The following SCN11A variants were observed in gnomAD, a reference collection of about 807,000 sequenced individuals.
The protein encoded by SCN11A is sodium channel protein type 11 subunit alpha.
A neutral mutation model predicts 162.2 loss-of-function variants in SCN11A; 122 were observed. That is an observed-to-expected ratio of 0.75 (90% CI 0.65 to 0.87). The LOEUF (loss-of-function observed/expected upper bound fraction) is 0.87, where lower values mean the gene tolerates loss of function less well. Ranked by LOEUF, SCN11A falls within the 40% of genes least tolerant of loss-of-function variation. The pLI is 0.00. For missense variants in SCN11A, 2,015 were observed against 2,181.6 expected, an observed-to-expected ratio of 0.92 and a Z score of 1.52; for synonymous variants, 758 against 751.5, an observed-to-expected ratio of 1.01 and a Z score of -0.14.
intron 12 of SCN11A, among the ~76,000 whole-genome samples, chr3:38,909,519 A>G (rs1444344702): frequency 2.6e-5 from 4 of 152,022 alleles, no homozygotes; most frequent in Non-Finnish European, 4.4e-5. Flanking sequence ...TAACATTTCT[A>G]GGAAGAGGAG....
chr3:39,018,766 C>G (rs557404690), intron 2 of SCN11A, among the ~76,000 whole-genome samples: 6 of 151,928 alleles, frequency 3.9e-5, no homozygotes, highest in Non-Finnish European at 8.8e-5. Context: ...TGCAGTGAGC[C>G]GAGATGGCGC....
At chr3:39,049,707 T>A (rs987694685) in intron 1 of SCN11A, among the ~76,000 whole-genome samples, 1 of 152,206 alleles carries the variant, frequency 6.6e-6, no homozygotes, top group African/African-American at 2.4e-5. Context: ...AGGCTGAGTT[T>A]CATCACAAAG....
rs193208676 is a variant in SCN11A at position 38,919,917 on chromosome 3, T to C, written c.959+18A>G. On this transcript the variant is annotated intron_variant, in intron 11 of 29. Coordinates refer to ENST00000302328, the MANE Select transcript of SCN11A (RefSeq NM_001349253.2). The stretch of plus-strand genomic sequence containing the variant: ...AGAGGTACTCTTCTTGGGAGGAAAA[T>C]GATTATAAACCTCTTACCTGTTACC... 1.9e-6 allele frequency: 3 copies of C among 1,596,858 alleles called. No homozygotes were observed. Among genetic ancestry groups the C allele is most frequent in the African/African-American group, 2.7e-5 (2 of 74,526 alleles).
intron 13 of SCN11A, among the ~76,000 whole-genome samples, chr3:38,908,352 C>G (rs1288050904): frequency 6.6e-6 from 1 of 152,198 alleles, no homozygotes; most frequent in Non-Finnish European, 1.5e-5. Context: ...TTTCATATCT[C>G]TGTGTCACTG....
Position 38,877,115 on chromosome 3 carries a change from T to C in SCN11A, c.3393+2835A>G, listed in dbSNP as rs149424872. On this transcript the variant is annotated intron_variant, in intron 23 of 29. Transcript: ENST00000302328. ...TATGGTATATATATGGTGTATATACTATATATATGGTGTATATACTATATA... is the reference window on the plus strand; with the variant it reads ...TATGGTATATATATGGTGTATATACCATATATATGGTGTATATACTATATA... Among the ~76,000 whole-genome samples the C allele has an allele frequency of 4.8e-3, 550 of 114,160 alleles. 24 individuals carry two copies. Among genetic ancestry groups the C allele is most frequent in the African/African-American group, 0.013 (324 of 24,450 alleles). 74.9% of individuals were successfully genotyped at this position (114,160 alleles called of 152,430 possible).
intron 2 of SCN11A, among the ~76,000 whole-genome samples, chr3:39,031,801 T>C (rs116796562): frequency 6.6e-6 from 1 of 152,348 alleles, no homozygotes; most frequent in Admixed American, 6.5e-5. Context: ...GGCTTCTTAG[T>C]TTCTCCGTGA....
rs987883206 is a variant in SCN11A at position 38,871,824 on chromosome 3, A to T, written c.3496-116T>A. 5 of 834,568 alleles carry T rather than the reference A, an allele frequency of 6.0e-6. 1 individual carries two copies. The South Asian group carries it at 8.9e-5, about 15-fold the overall frequency. 51.7% of individuals were successfully genotyped at this position (834,568 alleles called of 1,614,324 possible). A position where few individuals can be genotyped will look rare whatever the true frequency, so the allele number is the denominator to read the frequency against. ...TTGATCTCTTGGAGCTCTGTCCTTA[A>T]TCTCCACATACATGTGCCCCATCCC... On this transcript the variant is annotated intron_variant, in intron 24 of 29. Transcript: ENST00000302328.
At chr3:38,944,015 T>C (rs1393204785) in intron 7 of SCN11A, among the ~76,000 whole-genome samples, 1 of 152,204 alleles carries the variant, frequency 6.6e-6, no homozygotes, top group African/African-American at 2.4e-5. Context: ...TTGGGATTGA[T>C]ATCCCAATTA....
intron 19 of SCN11A, among the ~76,000 whole-genome samples, chr3:38,889,779 G>A (rs1258571963): frequency 1.3e-5 from 2 of 148,668 alleles, no homozygotes; most frequent in Non-Finnish European, 3.0e-5. Flanking sequence ...CAGCCTGGGC[G>A]ACAGAGCGAG....
At chr3:38,947,826 A>T (rs1180869439) in intron 5 of SCN11A, among the ~76,000 whole-genome samples, 1 of 152,222 alleles carries the variant, frequency 6.6e-6, no homozygotes, top group Non-Finnish European at 1.5e-5. Context: ...CATGGCTATC[A>T]GTTACAAAAG....
At position 38,896,869 on chromosome 3, in the gene SCN11A, C is replaced by T. The variant is rs1488398565; in HGVS notation, c.2379G>A (p.Leu793=). 1 of 1,574,436 alleles carries T rather than the reference C, an allele frequency of 6.4e-7. No individual in the cohort carries two copies. The highest frequency in any genetic ancestry group is 8.6e-7 in the Non-Finnish European group (1 of 1,156,744). The change falls in exon 18 of 30, where the codon TTG becomes TTA. Residue 793 remains leucine, a synonymous_variant. Coordinates refer to ENST00000302328, the MANE Select transcript of SCN11A (RefSeq NM_001349253.2). ...CCACAAGTTTTCCTATCACCGTGAT[C>T]AATATGAAGACAATAACACACAATG... The part of the protein sequence containing the change: ...SSSLCVIVFI[L]ITVIGKLVVL...
intron 2 of SCN11A, among the ~76,000 whole-genome samples, chr3:38,984,162 T>C (rs2030153437): frequency 6.6e-6 from 1 of 152,198 alleles, no homozygotes; most frequent in African/African-American, 2.4e-5. Context: ...CAGGTCCTTT[T>C]CACTCATAAT....
Position 39,032,443 on chromosome 3 carries a change from T to C in SCN11A, c.-343A>G, listed in dbSNP as rs2031785126. On this transcript the variant is annotated 5_prime_UTR_variant, in exon 2 of 30. Transcript: ENST00000302328. ...CGGTGGAAAGACATACTGGATACTT[T>C]CACTGTGTTCAGCAAATGGATTGAA... Among the ~76,000 whole-genome samples, 1 of 152,166 alleles carries C rather than the reference T, an allele frequency of 6.6e-6. No individual in the cohort carries two copies. Among genetic ancestry groups the C allele is most frequent in the Non-Finnish European group, 1.5e-5 (1 of 68,032 alleles).
At chr3:38,861,482 A>C (rs1283508096) in intron 28 of SCN11A, among the ~76,000 whole-genome samples, 1 of 152,180 alleles carries the variant, frequency 6.6e-6, no homozygotes, top group Non-Finnish European at 1.5e-5. Context: ...ACATTACCTG[A>C]CTTTAAACTA....
At chr3:38,881,077 ATTGCCAAATTGGT>A (rs2065301539) in intron 22 of SCN11A, among the ~76,000 whole-genome samples, 1 of 152,188 alleles carries the variant, frequency 6.6e-6, no homozygotes, top group Non-Finnish European at 1.5e-5. Context: ...CTCACTTCCA[ATTGCCAAATTGGT>A]TTCTGGCTGA....
At chr3:38,922,837 C>T (rs1354555551) in intron 9 of SCN11A, among the ~76,000 whole-genome samples, 2 of 151,840 alleles carry the variant, frequency 1.3e-5, no homozygotes, top group Admixed American at 6.6e-5. Context: ...TGGGGCCATG[C>T]GGTATAGTTT....
chr3:39,014,393 T>G (rs879449018), intron 2 of SCN11A, among the ~76,000 whole-genome samples: 24 of 152,198 alleles, frequency 1.6e-4, no homozygotes, highest in Admixed American at 4.6e-4. Flanking sequence ...GGTTATTAAT[T>G]GTAAAAAGGA....
intron 17 of SCN11A, 69 bp downstream of exon 17, chr3:38,899,825 G>T: frequency 7.9e-7 from 1 of 1,273,746 alleles, no homozygotes; most frequent in South Asian, 1.3e-5. Flanking sequence ...GATAACCACT[G>T]AACTCACTCA....
chr3:38,971,598 C>T (rs972379894), intron 2 of SCN11A, among the ~76,000 whole-genome samples: 1 of 152,220 alleles, frequency 6.6e-6, no homozygotes, highest in Admixed American at 6.5e-5. Flanking sequence ...TCCACACCAA[C>T]ATTCAGAACT....
Sources: gnomAD v4.1 joint callset for allele counts (sites outside exome capture counted in the v4.1 genomes callset) on GRCh38, gnomAD v4.1.1 for gene constraint, MANE v1.5 for transcripts, NCBI Gene and HGNC (gene_info 2026-07-23, HGNC 2026-07-21) for gene names.